The following CRPPA variants were observed in gnomAD, a reference collection of about 807,000 sequenced individuals.
The protein encoded by CRPPA is D-ribitol-5-phosphate cytidylyltransferase.
A neutral mutation model predicts 52.0 loss-of-function variants in CRPPA; 43 were observed. The observed-to-expected ratio is 0.83, with a 90% CI of 0.65 to 1.07. The LOEUF (loss-of-function observed/expected upper bound fraction) is 1.07, where lower values mean the gene tolerates loss of function less well. Among genes scored for constraint, CRPPA ranks in the 50% least tolerant of loss-of-function variants. The pLI, the probability that CRPPA is intolerant of heterozygous loss-of-function variation, is 0.00. For missense variants in CRPPA, 629 were observed against 551.7 expected, an observed-to-expected ratio of 1.14 and a Z score of -1.40; for synonymous variants, 250 against 203.5, an observed-to-expected ratio of 1.23 and a Z score of -1.94.
At chr7:16,286,091 A>AT (rs1401267207) in intron 5 of CRPPA, among the ~76,000 whole-genome samples, 9 of 30,036 alleles carry the variant, frequency 3.0e-4, no homozygotes, top group African/African-American at 2.5e-3. Flanking sequence ...AATATTTAAA[A>AT]AAAAAAATAT....
At chr7:16,347,815 G>C (rs765454916) in intron 3 of CRPPA, among the ~76,000 whole-genome samples, 1 of 152,040 alleles carries the variant, frequency 6.6e-6, no homozygotes, top group Non-Finnish European at 1.5e-5. Context: ...TGGAAAAGAG[G>C]GTTTGAACCA....
chr7:16,266,605 A>C (rs1352290774), intron 6 of CRPPA, among the ~76,000 whole-genome samples: 1 of 151,720 alleles, frequency 6.6e-6, no homozygotes, highest in African/African-American at 2.4e-5. Context: ...CAGCCTACCA[A>C]GTAGCTGGGA....
chr7:16,279,851 CT>C (rs1396310725), intron 5 of CRPPA, among the ~76,000 whole-genome samples: 1 of 152,164 alleles, frequency 6.6e-6, no homozygotes, highest in Non-Finnish European at 1.5e-5. Flanking sequence ...TTTCACACTC[CT>C]GATAAAGATA....
chr7:16,156,548 G>C (rs908026731), intron 9 of CRPPA, among the ~76,000 whole-genome samples: 1 of 152,072 alleles, frequency 6.6e-6, no homozygotes, highest in Non-Finnish European at 1.5e-5. Context: ...CCAGATGCTG[G>C]AATTTTATCT....
At chr7:16,128,081 C>T (rs1217782448) in intron 9 of CRPPA, among the ~76,000 whole-genome samples, 1 of 152,100 alleles carries the variant, frequency 6.6e-6, no homozygotes, top group Admixed American at 6.6e-5. Context: ...CTAATTTTTA[C>T]TCCCGCCAAC....
chr7:16,295,807 G>C (rs1327412526), intron 5 of CRPPA, among the ~76,000 whole-genome samples: 1 of 152,086 alleles, frequency 6.6e-6, no homozygotes, highest in East Asian at 1.9e-4. Flanking sequence ...GAGCAGACTT[G>C]GGTGGGCTCA....
At chr7:16,150,629 G>A (rs560241078) in intron 9 of CRPPA, among the ~76,000 whole-genome samples, 2 of 152,256 alleles carry the variant, frequency 1.3e-5, no homozygotes, top group Admixed American at 6.5e-5. Context: ...GAGTTAAGCC[G>A]ATAAGTCAGC....
intron 2 of CRPPA, among the ~76,000 whole-genome samples, chr7:16,397,081 C>A (rs1013170607): frequency 3.3e-5 from 5 of 152,132 alleles, no homozygotes; most frequent in Non-Finnish European, 7.4e-5. Context: ...AAACACATGA[C>A]ATGGAAGACA....
intron 9 of CRPPA, among the ~76,000 whole-genome samples, chr7:16,195,156 G>C (rs1056488963): frequency 6.6e-5 from 10 of 152,036 alleles, no homozygotes; most frequent in Admixed American, 5.9e-4. Flanking sequence ...AAGTAATTAA[G>C]ATGTGCAGAT....
chr7:16,229,252 A>G (rs1417807488), intron 8 of CRPPA, among the ~76,000 whole-genome samples: 2 of 151,858 alleles, frequency 1.3e-5, no homozygotes, highest in African/African-American at 4.8e-5. Flanking sequence ...ATGTCTTTTG[A>G]TTGGAAAAAT....
chr7:16,105,763 C>T (rs1266096776), intron 9 of CRPPA, among the ~76,000 whole-genome samples: 1 of 152,050 alleles, frequency 6.6e-6, no homozygotes, highest in Non-Finnish European at 1.5e-5. Context: ...AGAGACCACC[C>T]CAAAGATCCT....
intron 3 of CRPPA, among the ~76,000 whole-genome samples, chr7:16,357,404 C>G (rs1003142413): frequency 1.3e-5 from 2 of 152,076 alleles, no homozygotes; most frequent in Non-Finnish European, 1.5e-5. Flanking sequence ...GTCTCAAACT[C>G]CTGACCCTCA....
intron 3 of CRPPA, among the ~76,000 whole-genome samples, chr7:16,318,318 C>A (rs1785190442): frequency 6.6e-6 from 1 of 152,124 alleles, no homozygotes; most frequent in Non-Finnish European, 1.5e-5. Flanking sequence ...ACTATCTTAA[C>A]TTTTAGCTTA....
At chr7:16,292,945 T>A (rs992518657) in intron 5 of CRPPA, among the ~76,000 whole-genome samples, 2 of 151,864 alleles carry the variant, frequency 1.3e-5, no homozygotes, top group African/African-American at 2.4e-5. Context: ...TAATCAGGGG[T>A]CTTTTGATTT....
chr7:16,381,646 C>A, intron 2 of CRPPA, among the ~76,000 whole-genome samples: 2 of 151,562 alleles, frequency 1.3e-5, no homozygotes, highest in South Asian at 2.1e-4. Flanking sequence ...GTAGGTCACT[C>A]AGGACTTGCT....
intron 8 of CRPPA, among the ~76,000 whole-genome samples, chr7:16,245,477 G>A (rs1200010701): frequency 6.6e-6 from 1 of 152,140 alleles, no homozygotes; most frequent in African/African-American, 2.4e-5. Context: ...ATCACTGACA[G>A]GACAATTCAA....
intron 9 of CRPPA, among the ~76,000 whole-genome samples, chr7:16,203,433 A>G (rs1781900553): frequency 6.6e-6 from 1 of 152,198 alleles, no homozygotes; most frequent in Non-Finnish European, 1.5e-5. Flanking sequence ...ATATTTTACA[A>G]CAGGCTTAAT....
intron 6 of CRPPA, among the ~76,000 whole-genome samples, chr7:16,263,953 T>A (rs1203574620): frequency 6.6e-6 from 1 of 152,140 alleles, no homozygotes; most frequent in Non-Finnish European, 1.5e-5. Flanking sequence ...AGTTATCAAA[T>A]ATTAGTATTT....
intron 2 of CRPPA, among the ~76,000 whole-genome samples, chr7:16,398,660 C>T (rs1170514814): frequency 1.3e-5 from 2 of 152,008 alleles, no homozygotes; most frequent in Admixed American, 1.3e-4. Flanking sequence ...GAAACATGGA[C>T]AGCTTTGTGA....
Sources: gnomAD v4.1 joint callset for allele counts (sites outside exome capture counted in the v4.1 genomes callset) on GRCh38, gnomAD v4.1.1 for gene constraint, MANE v1.5 for transcripts, NCBI Gene and HGNC (gene_info 2026-07-23, HGNC 2026-07-21) for gene names.